PRKCH: variants seen among roughly 807,000 people sequenced by gnomAD.
PRKCH encodes protein kinase C eta type.
Under a neutral mutation model 82.5 loss-of-function variants are expected in PRKCH, and 28 were observed. That is an observed-to-expected ratio of 0.34 (90% CI 0.25 to 0.47). The LOEUF (loss-of-function observed/expected upper bound fraction) is 0.47. Among genes scored for constraint, PRKCH ranks in the 20% least tolerant of loss-of-function variants. The pLI, the probability that PRKCH is intolerant of heterozygous loss-of-function variation, is 1.00. For synonymous variants in PRKCH, 322 were observed against 327.4 expected, an observed-to-expected ratio of 0.98 and a Z score of 0.18; for missense variants, 705 against 881.8, an observed-to-expected ratio of 0.80 and a Z score of 2.54.
intron 1 of PRKCH, among the ~76,000 whole-genome samples, chr14:61,272,927 G>C (rs1467504833): frequency 6.6e-6 from 1 of 152,142 alleles, no homozygotes; most frequent in Non-Finnish European, 1.5e-5. Context: ...TACTGGCTGA[G>C]GGCAGACAAT....
intron 1 of PRKCH, among the ~76,000 whole-genome samples, chr14:61,360,913 A>G (rs2046216180): frequency 6.6e-6 from 1 of 152,234 alleles, no homozygotes; most frequent in Non-Finnish European, 1.5e-5. Flanking sequence ...AGGATCGTTC[A>G]GGTCAGGGGT....
At chr14:61,508,359 A>AGT (rs1887241876) in intron 10 of PRKCH, among the ~76,000 whole-genome samples, 1 of 152,156 alleles carries the variant, frequency 6.6e-6, no homozygotes, top group Non-Finnish European at 1.5e-5. Flanking sequence ...ATAGAATCAA[A>AGT]GTGATACAGA....
At chr14:61,278,527 T>C (rs967057326) in intron 1 of PRKCH, 2 of 152,222 alleles carry the variant, frequency 1.3e-5, no homozygotes. Flanking sequence ...ACTTAACTGC[T>C]AAAAAGTACT....
intron 1 of PRKCH, among the ~76,000 whole-genome samples, chr14:61,195,216 T>A (rs2044432412): frequency 6.6e-6 from 1 of 152,222 alleles, no homozygotes. Flanking sequence ...TGTTTTTATT[T>A]TGAACTCTAC....
intron 1 of PRKCH, among the ~76,000 whole-genome samples, chr14:61,229,297 A>G (rs1441350468): frequency 6.6e-6 from 1 of 152,190 alleles, no homozygotes; most frequent in Non-Finnish European, 1.5e-5. Flanking sequence ...GGCAGGCGCT[A>G]AGTATACTGT....
At chr14:61,374,690 G>T (rs1039170939) in intron 1 of PRKCH, among the ~76,000 whole-genome samples, 1 of 151,978 alleles carries the variant, frequency 6.6e-6, no homozygotes, top group Non-Finnish European at 1.5e-5. Context: ...TGGAGTGGCT[G>T]GGACACAGGA....
chr14:61,243,541 G>A (rs2044858283), intron 1 of PRKCH, among the ~76,000 whole-genome samples: 1 of 152,032 alleles, frequency 6.6e-6, no homozygotes, highest in South Asian at 2.1e-4. Flanking sequence ...CTACAGCTTG[G>A]GGAACGGAGG....
chr14:61,389,810 G>A (rs772643375), intron 1 of PRKCH, among the ~76,000 whole-genome samples: 1 of 152,154 alleles, frequency 6.6e-6, no homozygotes, highest in African/African-American at 2.4e-5. Context: ...AGAACCAGCT[G>A]TGACAGAATC....
intron 1 of PRKCH, among the ~76,000 whole-genome samples, chr14:61,275,920 C>T (rs1409254259): frequency 2.0e-5 from 3 of 152,144 alleles, no homozygotes; most frequent in African/African-American, 7.2e-5. Context: ...ACATGAGTAC[C>T]GCTAATGACG....
At chr14:61,292,546 G>A (rs1304537346) in intron 1 of PRKCH, among the ~76,000 whole-genome samples, 5 of 151,774 alleles carry the variant, frequency 3.3e-5, no homozygotes, top group South Asian at 4.2e-4. Flanking sequence ...AGGCTGAGGC[G>A]GGTGGATCAC....
intron 1 of PRKCH, among the ~76,000 whole-genome samples, chr14:61,213,710 T>C (rs1338870273): frequency 6.6e-6 from 1 of 152,192 alleles, no homozygotes; most frequent in Non-Finnish European, 1.5e-5. Context: ...TCTACAGCAG[T>C]GATTTAAGAA....
At chr14:61,221,782 C>G (rs1459082248) in intron 1 of PRKCH, among the ~76,000 whole-genome samples, 1 of 152,184 alleles carries the variant, frequency 6.6e-6, no homozygotes, top group Non-Finnish European at 1.5e-5. Flanking sequence ...TGTCCTCAGC[C>G]TCTGGAGCAT....
intron 10 of PRKCH, among the ~76,000 whole-genome samples, chr14:61,526,874 T>G (rs559723344): frequency 8.7e-4 from 133 of 152,354 alleles, no homozygotes; most frequent in African/African-American, 3.1e-3. Context: ...ATCCCCCCCG[T>G]GACCTGCAGC....
rs748623872 is a variant in PRKCH at position 61,443,128 on chromosome 14, C to G, written c.445C>G (p.Arg149Gly). The G allele has an allele frequency of 1.2e-6, 2 of 1,613,622 alleles. No homozygotes were observed. The highest frequency in any genetic ancestry group is 8.5e-7 in the Non-Finnish European group (1 of 1,179,712). The change falls in exon 3 of 14, where the codon CGG (arginine) becomes GGG (glycine). Residue 149 changes from arginine to glycine, a missense_variant. Coordinates refer to ENST00000332981, the MANE Select transcript of PRKCH (RefSeq NM_006255.5). ...SFTEATLQRD[R>G]IFKHFTRKRQ... ...ATATATAGCTACTCTCCAGAGAGAC[C>G]GGATCTTCAAACATTTTACCAGGAA...
chr14:61,372,093 T>G lies in PRKCH; in HGVS notation c.364-19132T>G, dbSNP rs145135564. Among the ~76,000 whole-genome samples the G allele has an allele frequency of 8.7e-4, 133 of 152,154 alleles. 5 individuals carry two copies. The East Asian group carries it at 0.022, about 25-fold the overall frequency. ...GGGTTTTTGTTGTTGCATGTGTGCT[T>G]TTTAAAATCACATCCTTATTCTTTC... On this transcript the variant is annotated intron_variant, in intron 1 of 13. Transcript: ENST00000332981.
Position 61,280,377 on chromosome 14 carries a change from C to G in PRKCH, c.-19+92709C>G. The G allele has an allele frequency of 1.2e-6, 2 of 1,613,988 alleles. No homozygotes were observed. Among genetic ancestry groups the G allele is most frequent in the Non-Finnish European group, 1.7e-6 (2 of 1,179,904 alleles). On this transcript the variant is annotated intron_variant, in intron 1 of 3. Coordinates refer to the PRKCH transcript ENST00000555185. This position sits in a 1 kb window ranked among gnomAD's most constrained non-coding sequence, Gnocchi z 5.0. ...ACAGTTTGCGGAACGTGGGCAGCGC[C>G]GCCGTGCGCATCCACACCACGAAGT...
chr14:61,520,175 A>G (rs2042885353), intron 10 of PRKCH, among the ~76,000 whole-genome samples: 1 of 152,220 alleles, frequency 6.6e-6, no homozygotes, highest in South Asian at 2.1e-4. Context: ...TCCTGTAGGA[A>G]ATTTAGAAAA....
At chr14:61,443,985 C>T (rs189043148) in intron 3 of PRKCH, among the ~76,000 whole-genome samples, 113 of 152,248 alleles carry the variant, frequency 7.4e-4, no homozygotes, top group African/African-American at 2.6e-3. Context: ...AGTTTGGTAG[C>T]GTGAAAGGAG....
chr14:61,236,762 A>G (rs1176442062), intron 1 of PRKCH, among the ~76,000 whole-genome samples: 1 of 150,132 alleles, frequency 6.7e-6, no homozygotes, highest in Admixed American at 6.6e-5. Context: ...CAGTCCCACC[A>G]AAACCAAGAT....
Sources: gnomAD v4.1 joint callset for allele counts (sites outside exome capture counted in the v4.1 genomes callset) on GRCh38, gnomAD v4.1.1 for gene constraint, Gnocchi (gnomAD v3.1) non-coding constraint, MANE v1.5 for transcripts, NCBI Gene and HGNC (gene_info 2026-07-23, HGNC 2026-07-21) for gene names.